AXL: variants seen among roughly 807,000 people sequenced by gnomAD.
AXL encodes the protein AXL receptor tyrosine kinase, also known as tyrosine-protein kinase receptor UFO.
A neutral mutation model predicts 104.5 loss-of-function variants in AXL; 52 were observed. That is an observed-to-expected ratio of 0.50 (90% confidence interval 0.40 to 0.63). The LOEUF is 0.63. Ranked by LOEUF, AXL falls within the 20% of genes least tolerant of loss-of-function variation. The pLI is 0.00. For missense variants in AXL, 1,024 were observed against 1,188.5 expected, an observed-to-expected ratio of 0.86 and a Z score of 2.04; for synonymous variants, 455 against 473.7, an observed-to-expected ratio of 0.96 and a Z score of 0.51.
intron 5 of AXL, 36 bp from the exon 6 acceptor site, chr19:41,231,147 G>T: frequency 6.2e-7 from 1 of 1,609,334 alleles, no homozygotes; most frequent in Non-Finnish European, 8.5e-7. Flanking sequence ...TTTGAGCAAA[G>T]GCTCCCCAGG....
At chr19:41,234,220 A>G (rs370263306) in intron 6 of AXL, among the ~76,000 whole-genome samples, 6 of 152,068 alleles carry the variant, frequency 3.9e-5, no homozygotes, top group African/African-American at 1.4e-4. Context: ...CTGTCTGTAA[A>G]ATGGGGATGA....
At chr19:41,226,492 G>A (rs536017928) in intron 4 of AXL, among the ~76,000 whole-genome samples, 5 of 152,326 alleles carry the variant, frequency 3.3e-5, no homozygotes, top group Admixed American at 2.0e-4. Context: ...AGGAAGCCGC[G>A]ACTGAGGAGC....
At chr19:41,256,152 A>G (rs530647286) in intron 17 of AXL, among the ~76,000 whole-genome samples, 1 of 152,292 alleles carries the variant, frequency 6.6e-6, no homozygotes, top group South Asian at 2.1e-4. Flanking sequence ...CCATATGTAC[A>G]GTATACTTCA....
Position 41,259,934 on chromosome 19 carries a change from G to A in AXL, c.*30G>A. ...ACCCTCCACCTGGTACTCCCTCTCA[G>A]GATCCAAGCTAAGCACTGCCACTGG... On this transcript the variant is annotated 3_prime_UTR_variant, in exon 20 of 20. Coordinates refer to ENST00000301178, the MANE Select transcript of AXL (RefSeq NM_021913.5). The A allele has an allele frequency of 6.6e-7, 1 of 1,516,858 alleles. No individual in the cohort carries two copies. Among genetic ancestry groups the A allele is most frequent in the South Asian group, 1.3e-5 (1 of 76,796 alleles). The allele number at this position is 1,516,858 out of a possible 1,614,324, so 94.0% of individuals were successfully genotyped here. A position where few individuals can be genotyped will look rare whatever the true frequency, so the allele number is the denominator to read the frequency against.
chr19:41,255,261 C>T (rs1422974042), intron 17 of AXL, among the ~76,000 whole-genome samples: 2 of 152,110 alleles, frequency 1.3e-5, no homozygotes, highest in East Asian at 1.9e-4. Context: ...TATGGTATTC[C>T]ATCATATGAA....
intron 17 of AXL, 67 bp from the exon 18 acceptor site, chr19:41,256,385 G>A: frequency 6.4e-7 from 1 of 1,571,822 alleles, no homozygotes; most frequent in African/African-American, 1.3e-5. Context: ...GTGTCTGAGA[G>A]CCAGGGCAGG....
intron 4 of AXL, among the ~76,000 whole-genome samples, chr19:41,224,788 C>G (rs1197307828): frequency 2.7e-5 from 4 of 149,924 alleles, no homozygotes; most frequent in South Asian, 4.2e-4. Flanking sequence ...AGTCACAGAC[C>G]TGTGTGTGTG....
At chr19:41,239,066 G>A in intron 8 of AXL, 98 bp from the exon 9 acceptor site, 2 of 1,388,156 alleles carry the variant, frequency 1.4e-6, no homozygotes, top group Admixed American at 4.1e-5. Context: ...AGGATGGGGA[G>A]AGCGTTTTGA....
chr19:41,227,571 C>T (rs2033905355), intron 4 of AXL, among the ~76,000 whole-genome samples: 1 of 151,596 alleles, frequency 6.6e-6, no homozygotes, highest in Non-Finnish European at 1.5e-5. Context: ...CTGCAACCTC[C>T]GCAGCCCGGG....
chr19:41,244,934 A>AT lies in AXL; in HGVS notation c.1537+1243dup, dbSNP rs34355478. Among the ~76,000 whole-genome samples the AT allele has an allele frequency of 2.7e-3, 376 of 141,412 alleles. 2 individuals are homozygous for AT. Among genetic ancestry groups the AT allele is most frequent in the South Asian group, 7.2e-3 (31 of 4,332 alleles). 92.8% of individuals were successfully genotyped at this position (141,412 alleles called of 152,430 possible). A position where few individuals can be genotyped will look rare whatever the true frequency, so the allele number is the denominator to read the frequency against. On this transcript the variant is annotated intron_variant, in intron 12 of 19. Transcript: ENST00000301178. ...GTACTTTTGCTCTGAAGTCTATACTATTTTTTTTTTTTTTTTGATAGAATC... is the reference window on the plus strand; with the variant it reads ...GTACTTTTGCTCTGAAGTCTATACTATTTTTTTTTTTTTTTTTGATAGAATC...
At position 41,259,617 on chromosome 19, in the gene AXL, C is replaced by T. The variant is rs1036430672; in HGVS notation, c.2398C>T (p.Arg800Trp). 1.6e-5 allele frequency: 26 copies of T among 1,613,692 alleles called. No homozygotes were observed. The highest frequency in any genetic ancestry group is 4.5e-5 in the East Asian group (2 of 44,878). The change falls in exon 20 of 20, where the codon CGG (arginine) becomes TGG (tryptophan). Residue 800 changes from arginine to tryptophan, a missense_variant. Around this residue, in one of 5 missense-constraint regions of AXL, gnomAD observed 523 missense variants for 636.0 expected, o/e 0.82. Coordinates refer to ENST00000301178, the MANE Select transcript of AXL (RefSeq NM_021913.5). ...PQDRPSFTELREDLENTLKAL... is the reference protein window; with the variant it reads ...PQDRPSFTELWEDLENTLKAL... ...GGACCGGCCAAGTTTTACAGAGCTG[C>T]GGGAAGATTTGGAGAACACACTGAA...
intron 15 of AXL, 92 bp from the exon 16 acceptor site, chr19:41,252,754 G>T: frequency 6.3e-7 from 1 of 1,584,176 alleles, no homozygotes. Flanking sequence ...GATTGGATGG[G>T]TAGTGAGAAG....
intron 17 of AXL, among the ~76,000 whole-genome samples, chr19:41,254,000 C>T (rs1304186958): frequency 6.6e-6 from 1 of 151,888 alleles, no homozygotes; most frequent in Non-Finnish European, 1.5e-5. Context: ...GGTGGGGACA[C>T]GTGAGCTGCA....
intron 6 of AXL, among the ~76,000 whole-genome samples, chr19:41,236,599 G>C (rs2011432574): frequency 6.6e-6 from 1 of 151,834 alleles, no homozygotes; most frequent in African/African-American, 2.4e-5. Flanking sequence ...TGACTAACAT[G>C]GTGAAACGCT....
intron 10 of AXL, among the ~76,000 whole-genome samples, chr19:41,242,310 A>ATT (rs2034196090): frequency 1.1e-4 from 12 of 107,950 alleles, no homozygotes; most frequent in Non-Finnish European, 2.2e-4. Flanking sequence ...CTATCCTGGC[A>ATT]CTCTCTTTTT....
intron 8 of AXL, 46 bp from the exon 9 acceptor site, chr19:41,239,118 G>A (rs2122236926): frequency 1.2e-6 from 2 of 1,607,628 alleles, no homozygotes; most frequent in Admixed American, 3.4e-5. Context: ...AGGCTTAACA[G>A]CTGGGGGGTA....
In AXL at chr19:41,253,689, C is replaced by T. The variant is rs1024176459; in HGVS notation, c.2017C>T (p.Leu673=). ...LSTKRFIHRD[L]AARNCMLNEN... ...TACCAAGAGATTCATACACCGGGAC[C>T]TGGCGGCCAGGAACTGCATGTGAGT... Residue 673 remains leucine (L), a synonymous_variant, in exon 17 of 20, where the codon CTG becomes TTG. Transcript: ENST00000301178. The T allele has an allele frequency of 1.2e-6, 2 of 1,613,216 alleles. No homozygotes were observed. Among genetic ancestry groups the T allele is most frequent in the African/African-American group, 2.7e-5 (2 of 74,748 alleles).
chr19:41,243,925 G>C, intron 12 of AXL: 1 of 496,046 alleles, frequency 2.0e-6, no homozygotes, highest in Non-Finnish European at 3.6e-6. Context: ...AAACACCAAG[G>C]CTGGGTGTGG....
At chr19:41,245,290 G>C (rs1266414617) in intron 12 of AXL, among the ~76,000 whole-genome samples, 1 of 152,068 alleles carries the variant, frequency 6.6e-6, no homozygotes, top group Admixed American at 6.6e-5. Context: ...AATCGATCTT[G>C]GCCTGAAAAA....
Sources: gnomAD v4.1 joint callset for allele counts (sites outside exome capture counted in the v4.1 genomes callset) on GRCh38, gnomAD v4.1.1 for gene constraint, gnomAD v4.1.1 regional missense constraint, MANE v1.5 for transcripts, NCBI Gene and HGNC (gene_info 2026-07-23, HGNC 2026-07-21) for gene names.